TRAPPC8: variants seen among roughly 807,000 people sequenced by gnomAD.
TRAPPC8 encodes the protein trafficking protein particle complex subunit 8.
In TRAPPC8, 54 loss-of-function variants were observed where a neutral mutation model predicts 174.3. The observed-to-expected ratio is 0.31, with a 90% CI of 0.25 to 0.39. The LOEUF (loss-of-function observed/expected upper bound fraction) is 0.39. TRAPPC8 is among the 10% of genes least tolerant of loss of function. The pLI, the probability that TRAPPC8 is intolerant of heterozygous loss-of-function variation, is 1.00. For missense variants in TRAPPC8, 1,531 were observed against 1,699.1 expected (o/e 0.90, Z 1.74); for synonymous variants, 630 against 579.9 (o/e 1.09, Z -1.24).
chr18:31,931,856 C>A (rs990269724), intron 1 of TRAPPC8, among the ~76,000 whole-genome samples: 2 of 152,122 alleles, frequency 1.3e-5, no homozygotes, highest in Non-Finnish European at 2.9e-5. Flanking sequence ...TAAAGCTGGT[C>A]CAAGGCAGCG....
chr18:31,874,773 A>C lies in TRAPPC8; in HGVS notation c.1729-69T>G, dbSNP rs555652337. The stretch of plus-strand genomic sequence containing the variant: ...TTTGAACTAGAAAAAACAAATACAA[A>C]CACACACATAGAAACAATTAAGTAA... On this transcript the variant is annotated intron_variant, in intron 12 of 28. Coordinates refer to ENST00000283351, the MANE Select transcript of TRAPPC8 (RefSeq NM_014939.5). 60 of 1,314,212 alleles carry C rather than the reference A, an allele frequency of 4.6e-5. 3 individuals are homozygous for C. The South Asian group carries it at 7.1e-4, about 16-fold the overall frequency. 81.4% of individuals were successfully genotyped at this position (1,314,212 alleles called of 1,614,324 possible).
chr18:31,872,175 CCA>C (rs2034899143), intron 14 of TRAPPC8, among the ~76,000 whole-genome samples: 1 of 151,896 alleles, frequency 6.6e-6, no homozygotes, highest in Non-Finnish European at 1.5e-5. Context: ...AGCTCCAACC[CCA>C]GTTATCGATG....
chr18:31,886,467 G>A (rs1382577989), intron 12 of TRAPPC8, among the ~76,000 whole-genome samples: 3 of 151,740 alleles, frequency 2.0e-5, no homozygotes, highest in East Asian at 3.9e-4. Context: ...GTGGATTTTC[G>A]AATGTGTTCA....
Position 31,857,867 on chromosome 18 carries a change from C to G in TRAPPC8, c.2861G>C (p.Arg954Pro), listed in dbSNP as rs2170562. 2 of 1,614,014 alleles carry G rather than the reference C, an allele frequency of 1.2e-6. No homozygotes were observed. Among genetic ancestry groups the G allele is most frequent in the East Asian group, 2.2e-5 (1 of 44,902 alleles). ...PLTGLKVVSK[R>P]PEFFTFGGNT... is the part of the protein sequence containing the mutation. Reference sequence around the variant, plus strand: ...ACCACCGAAAGTAAAGAACTCTGGACGTTTAGAAACAACCTTCAATCCAGT... The same window carrying G: ...ACCACCGAAAGTAAAGAACTCTGGAGGTTTAGAAACAACCTTCAATCCAGT... The change falls in exon 20 of 29, where the codon CGT (arginine) becomes CCT (proline). Residue 954 changes from arginine to proline, a missense_variant. Arg to Pro is a moderately radical substitution (Grantham distance 103). Coordinates refer to ENST00000283351, the MANE Select transcript of TRAPPC8 (RefSeq NM_014939.5).
At chr18:31,875,488 G>A (rs1250086821) in intron 12 of TRAPPC8, among the ~76,000 whole-genome samples, 1 of 152,068 alleles carries the variant, frequency 6.6e-6, no homozygotes, top group African/African-American at 2.4e-5. Flanking sequence ...GCCTCACACG[G>A]TTCAAATAAA....
chr18:31,839,019 C>A (rs1368412644), intron 27 of TRAPPC8, among the ~76,000 whole-genome samples: 1 of 152,128 alleles, frequency 6.6e-6, no homozygotes, highest in Admixed American at 6.5e-5. Flanking sequence ...AACTGGCAAA[C>A]TTTTGAAGTG....
chr18:31,849,719 T>C lies in TRAPPC8; in HGVS notation c.3582A>G (p.Pro1194=), dbSNP rs761972595. Residue 1194 remains proline (P), a synonymous_variant, in exon 25 of 29, where the codon CCA becomes CCG. Transcript: ENST00000283351. ...GNEQIISSAS[P]CADFFYRSLS... is the part of the protein sequence containing the mutation. ...AACTTCGATAAAAGAAGTCTGCACA[T>C]GGGCTTGCTGAACTTATTATCTGTT... is the stretch of plus-strand genomic sequence containing the variant. 150 of 1,604,272 alleles carry C rather than the reference T, an allele frequency of 9.4e-5. 1 individual carries two copies. The East Asian group carries it at 3.2e-3, about 35-fold the overall frequency.
Position 31,935,056 on chromosome 18 carries a change from C to T in TRAPPC8, c.158-3533G>A, listed in dbSNP as rs370235437. Reference sequence around the variant, plus strand: ...AGCATATAAAACTGTACAAAGAAAACAGGCTAGGCCGGGCGTGATGGCTCA... The same window carrying T: ...AGCATATAAAACTGTACAAAGAAAATAGGCTAGGCCGGGCGTGATGGCTCA... On this transcript the variant is annotated intron_variant, in intron 1 of 28. Coordinates refer to ENST00000283351, the MANE Select transcript of TRAPPC8 (RefSeq NM_014939.5). 1.2e-4 allele frequency among the ~76,000 whole-genome samples: 18 copies of T among 151,800 alleles called. 1 individual carries two copies. In the East Asian group the frequency reaches 1.6e-3, roughly 13 times the overall value.
chr18:31,870,155 T>C (rs2034780252), intron 16 of TRAPPC8: 4 of 332,412 alleles, frequency 1.2e-5, no homozygotes, highest in South Asian at 2.1e-4. Flanking sequence ...AAAGTGGTTA[T>C]TTCTAAATAT....
Position 31,870,916 on chromosome 18 carries a change from A to G in TRAPPC8, c.2257+10T>C. 6.6e-7 allele frequency: 1 copy of G among 1,516,464 alleles called. No homozygotes were observed. Among genetic ancestry groups the G allele is most frequent in the Non-Finnish European group, 8.9e-7 (1 of 1,125,930 alleles). The allele number at this position is 1,516,464 out of a possible 1,614,324, so 93.9% of individuals were successfully genotyped here. On this transcript the variant is annotated intron_variant, in intron 15 of 28. Coordinates refer to ENST00000283351, the MANE Select transcript of TRAPPC8 (RefSeq NM_014939.5). ...AATAAAAAACAGAAATAAAAATTCAAGTATATCACCTTCTACAACTGCAAG... is the reference window on the plus strand; with the variant it reads ...AATAAAAAACAGAAATAAAAATTCAGGTATATCACCTTCTACAACTGCAAG...
At chr18:31,920,055 T>C (rs937397265) in intron 2 of TRAPPC8, among the ~76,000 whole-genome samples, 5 of 152,178 alleles carry the variant, frequency 3.3e-5, no homozygotes, top group African/African-American at 4.8e-5. Context: ...ATCTAATGCA[T>C]ATGTAGTACC....
intron 1 of TRAPPC8, among the ~76,000 whole-genome samples, chr18:31,933,606 C>A (rs1192804281): frequency 6.6e-6 from 1 of 152,092 alleles, no homozygotes; most frequent in Non-Finnish European, 1.5e-5. Context: ...TCACCTGCAC[C>A]ATGGGTTATT....
intron 25 of TRAPPC8, among the ~76,000 whole-genome samples, chr18:31,847,592 T>C (rs2033476603): frequency 6.6e-6 from 1 of 152,248 alleles, no homozygotes; most frequent in Admixed American, 6.5e-5. Context: ...CTAATGACAG[T>C]TTGCCATCCA....
At chr18:31,852,077 C>T (rs914569130) in intron 24 of TRAPPC8, among the ~76,000 whole-genome samples, 2 of 152,116 alleles carry the variant, frequency 1.3e-5, no homozygotes, top group Non-Finnish European at 2.9e-5. Context: ...CAGTGACTCA[C>T]ACCTGTAATT....
chr18:31,939,079 T>A (rs2144323928), intron 1 of TRAPPC8, among the ~76,000 whole-genome samples: 1 of 54,404 alleles, frequency 1.8e-5, no homozygotes, highest in Non-Finnish European at 3.6e-5. Flanking sequence ...CGAGACTCCG[T>A]CTCAAAAAAA....
intron 4 of TRAPPC8, among the ~76,000 whole-genome samples, chr18:31,915,809 C>A (rs1480884604): frequency 6.6e-6 from 1 of 151,458 alleles, no homozygotes; most frequent in Non-Finnish European, 1.5e-5. Context: ...ATGGCGTGAA[C>A]CCAGGAAGCG....
chr18:31,935,497 A>G (rs1307798295), intron 1 of TRAPPC8, among the ~76,000 whole-genome samples: 1 of 136,636 alleles, frequency 7.3e-6, no homozygotes, highest in Non-Finnish European at 1.5e-5. Flanking sequence ...GCGGTGAGCC[A>G]AGATCGTGCC....
intron 1 of TRAPPC8, among the ~76,000 whole-genome samples, chr18:31,935,545 T>A (rs2038053091): frequency 2.6e-4 from 2 of 7,606 alleles, no homozygotes; most frequent in African/African-American, 6.5e-4. Flanking sequence ...CGAAACTCCA[T>A]CTTAAAAAAA....
At chr18:31,880,336 G>A (rs1338016678) in intron 12 of TRAPPC8, among the ~76,000 whole-genome samples, 1 of 151,370 alleles carries the variant, frequency 6.6e-6, no homozygotes, top group Non-Finnish European at 1.5e-5. Flanking sequence ...AGAAATACAA[G>A]GATGGTTCAA....
Sources: allele counts gnomAD v4.1 joint callset (sites outside exome capture counted in the v4.1 genomes callset), GRCh38; gene constraint gnomAD v4.1.1; transcripts MANE v1.5; gene names NCBI Gene and HGNC (gene_info 2026-07-23, HGNC 2026-07-21).